PPFIA3: variants seen among roughly 807,000 people sequenced by gnomAD.
PPFIA3 encodes liprin-alpha-3.
A neutral mutation model predicts 145.8 loss-of-function variants in PPFIA3; 26 were observed. The observed-to-expected ratio is 0.18, with a 90% CI of 0.13 to 0.25. The LOEUF (loss-of-function observed/expected upper bound fraction) is 0.25, where lower values mean the gene tolerates loss of function less well. Among genes scored for constraint, PPFIA3 ranks in the 10% least tolerant of loss-of-function variants. The pLI is 1.00. For synonymous variants in PPFIA3, 645 were observed against 661.4 expected, an observed-to-expected ratio of 0.98 and a Z score of 0.38; for missense variants, 1,008 against 1,587.8, an observed-to-expected ratio of 0.63 and a Z score of 6.21.
At chr19:49,148,923 G>A (rs2041310365) in intron 25 of PPFIA3, 70 bp from the exon 26 acceptor site, 1 of 1,588,988 alleles carries the variant, frequency 6.3e-7, no homozygotes, top group South Asian at 1.1e-5. Flanking sequence ...AAATGGAGGT[G>A]GAGGTATGGG....
Position 49,130,172 on chromosome 19 carries a change from A to T in PPFIA3, c.657+105A>T. On this transcript the variant is annotated intron_variant, in intron 6 of 29. Transcript: ENST00000334186. This position sits in a 1 kb window ranked among gnomAD's most constrained non-coding sequence, Gnocchi z 4.5. The stretch of plus-strand genomic sequence containing the variant: ...TCCTCACTGGCCCTAAGACGGCTGC[A>T]CCTGTAAGAGTGTCACAGAGCTTGG... The T allele has an allele frequency of 7.7e-7, 1 of 1,298,670 alleles. No individual in the cohort carries two copies. The highest frequency in any genetic ancestry group is 1.1e-6 in the Non-Finnish European group (1 of 946,370). 80.4% of individuals were successfully genotyped at this position (1,298,670 alleles called of 1,614,324 possible). A position where few individuals can be genotyped will look rare whatever the true frequency, so the allele number is the denominator to read the frequency against.
chr19:49,138,911 C>A (rs2041174522), intron 16 of PPFIA3, among the ~76,000 whole-genome samples: 1 of 151,734 alleles, frequency 6.6e-6, no homozygotes, highest in South Asian at 2.1e-4. Flanking sequence ...GCAGAGTTTG[C>A]AGTGAGTTGA....
Position 49,128,123 on chromosome 19 carries a change from G to A in PPFIA3, c.240+10G>A, listed in dbSNP as rs948347710. 4 of 1,520,410 alleles carry A rather than the reference G, an allele frequency of 2.6e-6. No homozygotes were observed. Among genetic ancestry groups the A allele is most frequent in the Non-Finnish European group, 3.5e-6 (4 of 1,139,974 alleles). 94.2% of individuals were successfully genotyped at this position (1,520,410 alleles called of 1,614,324 possible). Reference sequence around the variant, plus strand: ...CATCGCGCTGCCCCAGGTCTGGGCGGGACAGGGGCGGGGCATGAGGGGGCG... The same window carrying A: ...CATCGCGCTGCCCCAGGTCTGGGCGAGACAGGGGCGGGGCATGAGGGGGCG... On this transcript the variant is annotated intron_variant, in intron 2 of 29. Coordinates refer to ENST00000334186, the MANE Select transcript of PPFIA3 (RefSeq NM_003660.4). This position sits in a 1 kb window ranked among gnomAD's most constrained non-coding sequence, Gnocchi z 4.1.
chr19:49,140,218 G>C lies in PPFIA3; in HGVS notation c.2368+130G>C, dbSNP rs2041201649. ...TCATTTGGTGATTTATTTAGAATTTGGAAGGAACACAGCTTGCCAAGGTAG... is the reference window on the plus strand; with the variant it reads ...TCATTTGGTGATTTATTTAGAATTTCGAAGGAACACAGCTTGCCAAGGTAG... On this transcript the variant is annotated intron_variant, in intron 18 of 29. Transcript: ENST00000334186. 3.2e-6 allele frequency: 4 copies of C among 1,245,544 alleles called. No homozygotes were observed. In the Admixed American group the frequency reaches 7.0e-5, roughly 22 times the overall value. The allele number at this position is 1,245,544 out of a possible 1,614,324, so 77.2% of individuals were successfully genotyped here. A position where few individuals can be genotyped will look rare whatever the true frequency, so the allele number is the denominator to read the frequency against.
intron 1 of PPFIA3, among the ~76,000 whole-genome samples, chr19:49,124,803 T>C (rs1487104431): frequency 3.9e-5 from 6 of 152,126 alleles, no homozygotes; most frequent in Admixed American, 3.9e-4. Flanking sequence ...CGGTGGCTCA[T>C]GCCTATAATC....
In PPFIA3 at chr19:49,142,998, C is replaced by G; in HGVS notation, c.2739C>G (p.Ser913=). The G allele has an allele frequency of 6.2e-7, 1 of 1,605,550 alleles. No homozygotes were observed. The highest frequency in any genetic ancestry group is 1.1e-5 in the South Asian group (1 of 91,052). Residue 913 remains serine (S), a synonymous_variant, in exon 21 of 30, where the codon TCC becomes TCG. Coordinates refer to ENST00000334186, the MANE Select transcript of PPFIA3 (RefSeq NM_003660.4). The part of the protein sequence containing the change: ...SLTSPSAPAS[S]RTSTGNVWMT... ...CCTCGCCCTCAGCCCCCGCCTCCTC[C>G]CGCACTGTGAGTGTCCGGCGGCCAA...
In PPFIA3 at chr19:49,148,261, G is replaced by A; in HGVS notation, c.3011+3G>A. Reference sequence around the variant, plus strand: ...AAGATGGTGGACAGCTTTCACAGGTGGGGGCTGCCTGGCCAGTGGGGACAG... The same window carrying A: ...AAGATGGTGGACAGCTTTCACAGGTAGGGGCTGCCTGGCCAGTGGGGACAG... On this transcript the variant is annotated splice_donor_region_variant and intron_variant, in intron 24 of 29. Coordinates refer to ENST00000334186, the MANE Select transcript of PPFIA3 (RefSeq NM_003660.4). The A allele has an allele frequency of 2.5e-6, 4 of 1,612,988 alleles. No individual in the cohort carries two copies. The highest frequency in any genetic ancestry group is 3.4e-6 in the Non-Finnish European group (4 of 1,179,290).
At position 49,148,466 on chromosome 19, in the gene PPFIA3, C is replaced by G; in HGVS notation, c.3012-200C>G. The G allele has an allele frequency of 1.1e-5, 8 of 744,520 alleles. 1 individual carries two copies. The South Asian group carries it at 1.5e-4, about 14-fold the overall frequency. The allele number at this position is 744,520 out of a possible 1,614,324, so 46.1% of individuals were successfully genotyped here. A position where few individuals can be genotyped will look rare whatever the true frequency, so the allele number is the denominator to read the frequency against. ...TCCTGAAATGGCTTGGCTAGTTAAC[C>G]CTGGACCCCTTCCAGGCTGGCCAGT... On this transcript the variant is annotated intron_variant, in intron 24 of 29. Coordinates refer to ENST00000334186, the MANE Select transcript of PPFIA3 (RefSeq NM_003660.4).
chr19:49,141,598 ATGAGTGTGTGTGTGTGTGAGAGGGTGTG>A, intron 19 of PPFIA3, 85 bp downstream of exon 19: 3 of 1,064,492 alleles, frequency 2.8e-6, no homozygotes, highest in Admixed American at 2.2e-5. Flanking sequence ...ATGTGTGTGT[ATGAGTGTGTGTGTGTGTGAGAGGGTGTG>A]TGAGTGTGTG....
chr19:49,130,658 C>T lies in PPFIA3; in HGVS notation c.879+59C>T, dbSNP rs1363672293. 2.5e-5 allele frequency: 35 copies of T among 1,417,194 alleles called. No individual in the cohort carries two copies. Among genetic ancestry groups the T allele is most frequent in the Non-Finnish European group, 3.3e-5 (34 of 1,043,262 alleles). The allele number at this position is 1,417,194 out of a possible 1,614,324, so 87.8% of individuals were successfully genotyped here. The stretch of plus-strand genomic sequence containing the variant: ...CCCTCGCCTTTCCGTAGAGCTCTCC[C>T]TCGCGCATTGCTCATGAATGGCGGA... On this transcript the variant is annotated intron_variant, in intron 7 of 29. Transcript: ENST00000334186. The surrounding 1 kb of genome is among the most constrained non-coding windows in gnomAD (Gnocchi z 4.5).
chr19:49,122,580 G>C (rs1250368593), intron 1 of PPFIA3, among the ~76,000 whole-genome samples: 2 of 152,148 alleles, frequency 1.3e-5, no homozygotes, highest in African/African-American at 4.8e-5. Flanking sequence ...AGATGTGTGT[G>C]TTCCAAGTAT....
At chr19:49,143,955 C>T (rs1724657930) in intron 21 of PPFIA3, among the ~76,000 whole-genome samples, 1 of 152,042 alleles carries the variant, frequency 6.6e-6, no homozygotes, top group Non-Finnish European at 1.5e-5. Flanking sequence ...GTTTCATATG[C>T]ATCTCATACA....
Position 49,133,090 on chromosome 19 carries a change from C to A in PPFIA3, c.969C>A (p.His323Gln). The A allele has an allele frequency of 6.2e-7, 1 of 1,612,724 alleles. No individual in the cohort carries two copies. Among genetic ancestry groups the A allele is most frequent in the Non-Finnish European group, 8.5e-7 (1 of 1,179,750 alleles). Residue 323 changes from histidine (H) to glutamine (Q), a missense_variant, in exon 8 of 30, where the codon CAC becomes CAA. Around this residue, in one of 11 missense-constraint regions of PPFIA3, gnomAD observed 109 missense variants for 198.1 expected, o/e 0.55. Transcript: ENST00000334186. The surrounding 1 kb of genome is among the most constrained non-coding windows in gnomAD (Gnocchi z 7.2). The part of the protein sequence containing the change: ...LSAQREATSL[H>Q]DANDKLENEL... ...CCCAGCGGGAGGCCACGTCTCTGCACGACGCCAACGACAAACTGGAGAACG... is the reference window on the plus strand; with the variant it reads ...CCCAGCGGGAGGCCACGTCTCTGCAAGACGCCAACGACAAACTGGAGAACG...
chr19:49,120,116 T>A lies in PPFIA3; in HGVS notation c.-16+394T>A, dbSNP rs1163305467. On this transcript the variant is annotated intron_variant, in intron 1 of 29. Transcript: ENST00000334186. The surrounding 1 kb of genome is among the most constrained non-coding windows in gnomAD (Gnocchi z 4.6). ...CGCACTCCGTCTCCCGTCGCCAGCC[T>A]CGGGCTTGCACAGCCGGCTGCGTCC... is the stretch of plus-strand genomic sequence containing the variant. Among the ~76,000 whole-genome samples the A allele has an allele frequency of 6.6e-6, 1 of 152,002 alleles. No homozygotes were observed. Among genetic ancestry groups the A allele is most frequent in the African/African-American group, 2.4e-5 (1 of 41,398 alleles).
rs1258936295 is a variant in PPFIA3 at position 49,139,658 on chromosome 19, C to T, written c.2077-10C>T. ...GAACTCAATCCAGCATCTGTGCCCT[C>T]TGTCCTCAGAATCATGTCCCTAAGG... On this transcript the variant is annotated splice_polypyrimidine_tract_variant and intron_variant, in intron 16 of 29. Transcript: ENST00000334186. 3 of 1,571,364 alleles carry T rather than the reference C, an allele frequency of 1.9e-6. No individual in the cohort carries two copies.
Position 49,149,618 on chromosome 19 carries a change from A to T in PPFIA3, c.3426A>T (p.Val1142=). ...TCCGGGAGAAGGACCTCCGAGGCGT[A>T]ACTCCCGACTCAGCTGAGATGTTGC... The part of the protein sequence containing the change: ...KMFREKDLRG[V]TPDSAEMLPP... The change falls in exon 28 of 30, where the codon GTA becomes GTT. Residue 1142 remains valine (V), a synonymous_variant. Transcript: ENST00000334186. This position sits in a 1 kb window ranked among gnomAD's most constrained non-coding sequence, Gnocchi z 5.7. The T allele has an allele frequency of 6.2e-7, 1 of 1,614,178 alleles. No homozygotes were observed. Among genetic ancestry groups the T allele is most frequent in the South Asian group, 1.1e-5 (1 of 91,088 alleles).
At chr19:49,137,112 C>G in intron 15 of PPFIA3, 1 of 456,778 alleles carries the variant, frequency 2.2e-6, no homozygotes, top group Non-Finnish European at 3.8e-6. Flanking sequence ...TACACATATA[C>G]CCCCCAGCCA....
intron 19 of PPFIA3, 90 bp downstream of exon 19, chr19:49,141,603 T>A: frequency 2.3e-6 from 2 of 869,772 alleles, no homozygotes; most frequent in Non-Finnish European, 3.5e-6. Flanking sequence ...TGTGTATGAG[T>A]GTGTGTGTGT....
chr19:49,134,943 C>T (rs776949064), intron 13 of PPFIA3, 28 bp downstream of exon 13: 3 of 1,518,656 alleles, frequency 2.0e-6, no homozygotes, highest in East Asian at 4.6e-5. Context: ...GCCCTGCCCC[C>T]ACCATGGAGC....
Sources: gnomAD v4.1 joint callset for allele counts (sites outside exome capture counted in the v4.1 genomes callset) on GRCh38, gnomAD v4.1.1 for gene constraint, gnomAD v4.1.1 regional missense constraint, Gnocchi (gnomAD v3.1) non-coding constraint, MANE v1.5 for transcripts, NCBI Gene and HGNC (gene_info 2026-07-23, HGNC 2026-07-21) for gene names.